Variants in SEC24D observed in about 807,000 individuals in gnomAD.
The protein encoded by SEC24D is protein transport protein Sec24D.
In SEC24D, 69 loss-of-function variants were observed where a neutral mutation model predicts 116.9. That is an observed-to-expected ratio of 0.59 (90% confidence interval 0.49 to 0.72). The LOEUF (loss-of-function observed/expected upper bound fraction) is 0.72. Among genes scored for constraint, SEC24D ranks in the 30% least tolerant of loss-of-function variants. SEC24D has a pLI of 0.00. For missense variants in SEC24D, 1,131 were observed against 1,264.1 expected, an observed-to-expected ratio of 0.89 and a Z score of 1.60; for synonymous variants, 405 against 442.8, an observed-to-expected ratio of 0.91 and a Z score of 1.07.
chr4:118,781,189 T>G (rs1728394100), intron 8 of SEC24D, among the ~76,000 whole-genome samples: 1 of 152,192 alleles, frequency 6.6e-6, no homozygotes, highest in African/African-American at 2.4e-5. Context: ...GCATTGACGG[T>G]CTTTACAATT....
chr4:118,778,590 G>A (rs1170817111), intron 8 of SEC24D, among the ~76,000 whole-genome samples: 1 of 152,174 alleles, frequency 6.6e-6, no homozygotes, highest in Admixed American at 6.5e-5. Flanking sequence ...GGCAATGCAG[G>A]CTCTTTTTTG....
chr4:118,758,967 T>C (rs1727240266), intron 10 of SEC24D, among the ~76,000 whole-genome samples: 2 of 152,192 alleles, frequency 1.3e-5, no homozygotes, highest in African/African-American at 2.4e-5. Flanking sequence ...ATTCACAGCA[T>C]AGACTTGTGC....
chr4:118,729,381 C>G (rs4833590), intron 21 of SEC24D: 6 of 152,096 alleles, frequency 3.9e-5, no homozygotes, highest in African/African-American at 1.4e-4. Context: ...GGAACCAATT[C>G]CCCATGGATA....
intron 5 of SEC24D, 63 bp from the exon 6 acceptor site, chr4:118,815,218 G>C: frequency 3.8e-6 from 6 of 1,585,594 alleles, no homozygotes; most frequent in Non-Finnish European, 5.2e-6. Context: ...AAGACTTGTT[G>C]ACGATATTAT....
intron 2 of SEC24D, among the ~76,000 whole-genome samples, chr4:118,830,303 C>T (rs571359180): frequency 6.6e-6 from 1 of 152,306 alleles, no homozygotes; most frequent in East Asian, 1.9e-4. Flanking sequence ...AGGCTAACGC[C>T]TATAATCTCA....
chr4:118,781,644 G>C (rs1728418422), intron 8 of SEC24D, among the ~76,000 whole-genome samples: 4 of 152,186 alleles, frequency 2.6e-5, no homozygotes, highest in Admixed American at 2.6e-4. Context: ...TGTCTTGCTA[G>C]GTTGGGGAAG....
chr4:118,752,609 A>G, intron 12 of SEC24D, 88 bp downstream of exon 12: 1 of 892,784 alleles, frequency 1.1e-6, no homozygotes, highest in Admixed American at 3.2e-5. Context: ...TGCTAATGAT[A>G]AAACAATGTA....
At chr4:118,782,950 C>T (rs1728486954) in intron 8 of SEC24D, among the ~76,000 whole-genome samples, 2 of 152,132 alleles carry the variant, frequency 1.3e-5, no homozygotes, top group African/African-American at 4.8e-5. Context: ...TTTGCTAAGA[C>T]CATTGGAAAA....
intron 6 of SEC24D, among the ~76,000 whole-genome samples, chr4:118,808,259 C>T (rs150089475): frequency 2.0e-5 from 3 of 152,246 alleles, no homozygotes; most frequent in African/African-American, 4.8e-5. Flanking sequence ...CTGCACCTGG[C>T]TTAGAGTCAT....
At chr4:118,822,785 G>A (rs868189838) in intron 3 of SEC24D, among the ~76,000 whole-genome samples, 2 of 151,956 alleles carry the variant, frequency 1.3e-5, no homozygotes, top group African/African-American at 2.4e-5. Context: ...TGTTGCCCAG[G>A]CTGTCTCGAA....
chr4:118,805,873 C>A lies in SEC24D; in HGVS notation c.883G>T (p.Val295Phe), dbSNP rs752923960. 6.3e-7 allele frequency: 1 copy of A among 1,585,792 alleles called. No individual in the cohort carries two copies. The highest frequency in any genetic ancestry group is 8.6e-7 in the Non-Finnish European group (1 of 1,168,500). The stretch of plus-strand genomic sequence containing the variant: ...TCTTGTATCATGCAATCTGTAGTGA[C>A]CAGGGGAGGGATCTGGCCTCTGGTG... ...TNTRGQIPPL[V>F]TTDCMIQDQG... The change falls in exon 7 of 23, where the codon GTC (valine) becomes TTC (phenylalanine). Residue 295 changes from valine (V) to phenylalanine (F), a missense_variant. Val to Phe is a conservative substitution (Grantham distance 50). Coordinates refer to ENST00000280551, the MANE Select transcript of SEC24D (RefSeq NM_014822.4).
At chr4:118,800,085 G>A (rs1435928082) in intron 7 of SEC24D, among the ~76,000 whole-genome samples, 2 of 152,164 alleles carry the variant, frequency 1.3e-5, no homozygotes, top group Non-Finnish European at 2.9e-5. Context: ...ATTGCTCACT[G>A]AGGGCCAAAT....
intron 8 of SEC24D, among the ~76,000 whole-genome samples, chr4:118,786,580 C>A (rs180943038): frequency 6.6e-6 from 1 of 152,278 alleles, no homozygotes; most frequent in African/African-American, 2.4e-5. Flanking sequence ...TTCTAAGAGA[C>A]ACCAAACCTT....
At chr4:118,780,517 C>G (rs1728350701) in intron 8 of SEC24D, among the ~76,000 whole-genome samples, 1 of 152,120 alleles carries the variant, frequency 6.6e-6, no homozygotes, top group Non-Finnish European at 1.5e-5. Flanking sequence ...TACTTTACTT[C>G]CAACTATGTG....
At chr4:118,781,045 T>C (rs1201261450) in intron 8 of SEC24D, among the ~76,000 whole-genome samples, 1 of 152,028 alleles carries the variant, frequency 6.6e-6, no homozygotes, top group Non-Finnish European at 1.5e-5. Flanking sequence ...CTTGACTCTT[T>C]ATCTAATTTG....
chr4:118,723,971 G>A (rs1455243444), intron 22 of SEC24D, among the ~76,000 whole-genome samples: 1 of 152,144 alleles, frequency 6.6e-6, no homozygotes, highest in African/African-American at 2.4e-5. Context: ...GTTCCATACT[G>A]GAATACATGT....
intron 2 of SEC24D, among the ~76,000 whole-genome samples, chr4:118,829,024 G>A (rs114057512): frequency 0.044 from 6,660 of 152,230 alleles, 203 homozygotes; most frequent in Non-Finnish European, 0.064. Flanking sequence ...TCCACCCTAA[G>A]TCTTGTTTAG....
intron 8 of SEC24D, among the ~76,000 whole-genome samples, chr4:118,792,823 C>T (rs1484223134): frequency 1.3e-5 from 2 of 152,092 alleles, no homozygotes; most frequent in Non-Finnish European, 2.9e-5. Context: ...GCTGACCTTC[C>T]CTCCACTATT....
chr4:118,738,828 C>G (rs1374826460), intron 18 of SEC24D, among the ~76,000 whole-genome samples: 1 of 152,168 alleles, frequency 6.6e-6, no homozygotes, highest in African/African-American at 2.4e-5. Flanking sequence ...GAGATCGTCT[C>G]TGTCCATTAA....
Sources: gnomAD v4.1 joint callset for allele counts (sites outside exome capture counted in the v4.1 genomes callset) on GRCh38, gnomAD v4.1.1 for gene constraint, MANE v1.5 for transcripts, NCBI Gene and HGNC (gene_info 2026-07-23, HGNC 2026-07-21) for gene names.